Variants in VWC2L observed in about 807,000 individuals in gnomAD.
VWC2L encodes the protein von Willebrand factor C domain containing 2 like, also known as von Willebrand factor C domain-containing protein 2-like.
VWC2L carries 10 observed loss-of-function variants against 21.6 expected under a neutral mutation model. That is an observed-to-expected ratio of 0.46 (90% CI 0.29 to 0.78). The LOEUF (loss-of-function observed/expected upper bound fraction) is 0.78. VWC2L is among the 30% of genes least tolerant of loss of function. The pLI is 0.10. For synonymous variants in VWC2L, 96 were observed against 94.3 expected (o/e 1.02, Z -0.10); for missense variants, 209 against 277.1 (o/e 0.75, Z 1.74).
chr2:214,433,163 T>G (rs1422281068), intron 2 of VWC2L, among the ~76,000 whole-genome samples: 1 of 49,792 alleles, frequency 2.0e-5, no homozygotes, highest in Non-Finnish European at 3.7e-5. Flanking sequence ...CCACCTGATA[T>G]ATATATATAT....
chr2:214,477,972 T>C (rs1688549836), intron 3 of VWC2L, among the ~76,000 whole-genome samples: 1 of 152,322 alleles, frequency 6.6e-6, no homozygotes, highest in East Asian at 1.9e-4. Context: ...ACTTCTTTGG[T>C]GGAAGTTCTT....
At chr2:214,545,848 G>A (rs530774314) in intron 3 of VWC2L, among the ~76,000 whole-genome samples, 36 of 152,154 alleles carry the variant, frequency 2.4e-4, no homozygotes, top group East Asian at 9.6e-4. Context: ...ATTTGAGAAC[G>A]TGACGGATCT....
chr2:214,425,747 T>A (rs78972265), intron 2 of VWC2L, among the ~76,000 whole-genome samples: 3,551 of 152,284 alleles, frequency 0.023, 123 homozygotes, highest in African/African-American at 0.08. Context: ...AAGCGGTAGA[T>A]CTTGTGGGCT....
At chr2:214,543,144 C>T (rs1388515687) in intron 3 of VWC2L, among the ~76,000 whole-genome samples, 1 of 152,150 alleles carries the variant, frequency 6.6e-6, no homozygotes, top group Admixed American at 6.5e-5. Context: ...AAGTTGACTT[C>T]TAAGTTTGAG....
intron 3 of VWC2L, among the ~76,000 whole-genome samples, chr2:214,465,140 G>C (rs1703197665): frequency 6.6e-6 from 1 of 152,080 alleles, no homozygotes; most frequent in East Asian, 1.9e-4. Context: ...GGCCAAGATG[G>C]TGCCTCAGCT....
intron 3 of VWC2L, among the ~76,000 whole-genome samples, chr2:214,531,528 C>T (rs1222692518): frequency 6.6e-6 from 1 of 152,128 alleles, no homozygotes; most frequent in Non-Finnish European, 1.5e-5. Context: ...AGGTAATCAA[C>T]TTTTCCTTCA....
chr2:214,524,920 C>A (rs1689304280), intron 3 of VWC2L, among the ~76,000 whole-genome samples: 1 of 135,358 alleles, frequency 7.4e-6, no homozygotes, highest in Non-Finnish European at 1.6e-5. Flanking sequence ...GAGCCAAGGG[C>A]ACTTTGGCTG....
intron 3 of VWC2L, among the ~76,000 whole-genome samples, chr2:214,473,957 T>C (rs1390542746): frequency 2.6e-5 from 4 of 152,102 alleles, no homozygotes; most frequent in Non-Finnish European, 5.9e-5. Flanking sequence ...AGTGAGCTAA[T>C]TGATTACAAA....
chr2:214,461,663 C>T (rs1381434313), intron 3 of VWC2L, among the ~76,000 whole-genome samples: 2 of 152,170 alleles, frequency 1.3e-5, no homozygotes, highest in African/African-American at 2.4e-5. Context: ...GCACTGGAGC[C>T]GGCAGTGCCA....
At chr2:214,449,469 AAT>A (rs1222529639) in intron 3 of VWC2L, among the ~76,000 whole-genome samples, 1 of 152,260 alleles carries the variant, frequency 6.6e-6, no homozygotes, top group Non-Finnish European at 1.5e-5. Context: ...TGTAGGAGAT[AAT>A]AGTTAATTCT....
At chr2:214,518,557 T>A (rs1226517438) in intron 3 of VWC2L, among the ~76,000 whole-genome samples, 2 of 152,174 alleles carry the variant, frequency 1.3e-5, no homozygotes, top group African/African-American at 2.4e-5. Context: ...CAAGAAATAC[T>A]GTGAAGCATG....
chr2:214,471,820 T>C (rs1222369278), intron 3 of VWC2L, among the ~76,000 whole-genome samples: 2 of 152,166 alleles, frequency 1.3e-5, no homozygotes, highest in African/African-American at 4.8e-5. Context: ...AGCTTACTTC[T>C]TTTTTCTGGT....
intron 3 of VWC2L, among the ~76,000 whole-genome samples, chr2:214,437,077 T>C (rs550242060): frequency 2.4e-4 from 37 of 152,242 alleles, no homozygotes; most frequent in African/African-American, 8.7e-4. Context: ...TCCTCTCTTT[T>C]GTAGAGCCAA....
intron 3 of VWC2L, among the ~76,000 whole-genome samples, chr2:214,456,892 G>A (rs917191147): frequency 6.6e-6 from 1 of 151,984 alleles, no homozygotes; most frequent in African/African-American, 2.4e-5. Flanking sequence ...TAAATATATG[G>A]ATTTATTTTT....
At chr2:214,568,455 G>A (rs1186639019) in intron 3 of VWC2L, among the ~76,000 whole-genome samples, 2 of 152,248 alleles carry the variant, frequency 1.3e-5, no homozygotes, top group Non-Finnish European at 1.5e-5. Context: ...AGACATACCC[G>A]AGACTAGGTA....
chr2:214,442,364 T>C (rs924424440), intron 3 of VWC2L, among the ~76,000 whole-genome samples: 5 of 152,116 alleles, frequency 3.3e-5, no homozygotes, highest in African/African-American at 1.2e-4. Context: ...TATTTACAAA[T>C]TAACAAAAAC....
intron 3 of VWC2L, among the ~76,000 whole-genome samples, chr2:214,475,110 C>A (rs1382751558): frequency 6.6e-6 from 1 of 152,150 alleles, no homozygotes; most frequent in East Asian, 1.9e-4. Flanking sequence ...CAGAGCCCTT[C>A]TTTTGAAAGC....
At chr2:214,557,130 A>G (rs1348830330) in intron 3 of VWC2L, among the ~76,000 whole-genome samples, 1 of 152,200 alleles carries the variant, frequency 6.6e-6, no homozygotes, top group Non-Finnish European at 1.5e-5. Context: ...GTTCGTTTAC[A>G]TGCTGCTGAT....
chr2:214,512,827 G>A (rs1207206230), intron 3 of VWC2L, among the ~76,000 whole-genome samples: 1 of 152,042 alleles, frequency 6.6e-6, no homozygotes, highest in African/African-American at 2.4e-5. Flanking sequence ...ATCCAGGTTG[G>A]GATGATGAAT....
Sources: gnomAD v4.1 joint callset for allele counts (sites outside exome capture counted in the v4.1 genomes callset) on GRCh38, gnomAD v4.1.1 for gene constraint, MANE v1.5 for transcripts, NCBI Gene and HGNC (gene_info 2026-07-23, HGNC 2026-07-21) for gene names.